CIMIP5: variants seen among roughly 807,000 people sequenced by gnomAD.
CIMIP5 encodes the protein uncharacterized protein C2orf50.
chr2:11,148,998 T>C, the CIMIP5 span, among the ~76,000 whole-genome samples: 10 of 152,150 alleles, frequency 6.6e-5, no homozygotes, highest in East Asian at 9.7e-4. Context: ...CCTCCCAAAG[T>C]GCTGGGATTA....
chr2:11,146,751 A>C, the CIMIP5 span: 1 of 152,222 alleles, frequency 6.6e-6, no homozygotes, highest in Non-Finnish European at 1.5e-5. Context: ...TGAGATCATC[A>C]GCTGGGTAAA....
chr2:11,134,292 G>A, the CIMIP5 span, among the ~76,000 whole-genome samples: 4 of 152,204 alleles, frequency 2.6e-5, no homozygotes, highest in African/African-American at 9.6e-5. Flanking sequence ...CAGGATGAGG[G>A]GGAGCAGCGG....
chr2:11,139,210 A>G, the CIMIP5 span, among the ~76,000 whole-genome samples: 4 of 151,870 alleles, frequency 2.6e-5, no homozygotes, highest in East Asian at 3.9e-4. Flanking sequence ...GAGCCACCGC[A>G]CCTGTCCTAC....
the CIMIP5 span, among the ~76,000 whole-genome samples, chr2:11,140,300 G>A: frequency 5.3e-5 from 8 of 150,956 alleles, no homozygotes; most frequent in East Asian, 9.7e-4. Flanking sequence ...GCGTGAACCC[G>A]GGAGGCGGAG....
At chr2:11,150,814 A>G in the CIMIP5 span, among the ~76,000 whole-genome samples, 1 of 151,772 alleles carries the variant, frequency 6.6e-6, no homozygotes, top group East Asian at 1.9e-4. Context: ...CAATTTGCCC[A>G]CAAGGAAATT....
chr2:11,148,123 T>TG, the CIMIP5 span, among the ~76,000 whole-genome samples: 1 of 151,692 alleles, frequency 6.6e-6, no homozygotes, highest in African/African-American at 2.4e-5. Flanking sequence ...TTCACATTTT[T>TG]TTTTTTTTTG....
chr2:11,133,973 G>A, the CIMIP5 span, among the ~76,000 whole-genome samples: 2 of 152,060 alleles, frequency 1.3e-5, no homozygotes, highest in Admixed American at 1.3e-4. Context: ...CCCATGAGCC[G>A]CTCTGAAACG....
At chr2:11,147,145 T>C in the CIMIP5 span, among the ~76,000 whole-genome samples, 2 of 152,112 alleles carry the variant, frequency 1.3e-5, no homozygotes, top group Non-Finnish European at 2.9e-5. Context: ...CTTGGCACAT[T>C]ACCCACATTG....
the CIMIP5 span, among the ~76,000 whole-genome samples, chr2:11,151,711 G>A: frequency 6.6e-6 from 1 of 152,232 alleles, no homozygotes; most frequent in African/African-American, 2.4e-5. Context: ...TCTCGGCCCA[G>A]TGCAACCTGT....
At chr2:11,153,168 C>T in the CIMIP5 span, among the ~76,000 whole-genome samples, 3 of 152,314 alleles carry the variant, frequency 2.0e-5, no homozygotes, top group East Asian at 1.9e-4. Flanking sequence ...CTGGTCTTCA[C>T]GCAAAGTAGC....
At chr2:11,153,415 G>C in the CIMIP5 span, among the ~76,000 whole-genome samples, 1 of 152,212 alleles carries the variant, frequency 6.6e-6, no homozygotes, top group East Asian at 1.9e-4. Context: ...TCCCTCCTAA[G>C]GCTAGTCCTG....
the CIMIP5 span, among the ~76,000 whole-genome samples, chr2:11,150,010 A>G: frequency 6.6e-6 from 1 of 152,144 alleles, no homozygotes; most frequent in Non-Finnish European, 1.5e-5. Flanking sequence ...CAATGGCACA[A>G]TCTTGGCTCA....
At chr2:11,149,946 T>TTTTG in the CIMIP5 span, among the ~76,000 whole-genome samples, 1 of 152,178 alleles carries the variant, frequency 6.6e-6, no homozygotes, top group South Asian at 2.1e-4. Flanking sequence ...TCCTTGTTCT[T>TTTTG]TTTGTTTGTT....
the CIMIP5 span, among the ~76,000 whole-genome samples, chr2:11,149,098 C>G: frequency 6.6e-6 from 1 of 152,082 alleles, no homozygotes; most frequent in Non-Finnish European, 1.5e-5. Context: ...CATTTAATGA[C>G]TCAGCAATAA....
the CIMIP5 span, chr2:11,140,552 A>G: frequency 6.4e-7 from 1 of 1,565,726 alleles, no homozygotes; most frequent in East Asian, 2.3e-5. Context: ...ACCCAATGGT[A>G]AGGTAAAATA....
the CIMIP5 span, among the ~76,000 whole-genome samples, chr2:11,148,879 A>G: frequency 0.17 from 26,163 of 151,386 alleles, 6,645 homozygotes; most frequent in African/African-American, 0.56. Context: ...GATTACAGGC[A>G]CCCGCCACCA....
the CIMIP5 span, among the ~76,000 whole-genome samples, chr2:11,153,404 T>C: frequency 1.3e-5 from 2 of 152,148 alleles, no homozygotes; most frequent in Non-Finnish European, 2.9e-5. Flanking sequence ...GTGGGAGCAG[T>C]TCCCTCCTAA....
the CIMIP5 span, among the ~76,000 whole-genome samples, chr2:11,141,876 A>G: frequency 6.6e-6 from 1 of 152,056 alleles, no homozygotes; most frequent in Non-Finnish European, 1.5e-5. Flanking sequence ...CCCTATCACA[A>G]CCCTAGCATT....
At chr2:11,135,270 C>A in the CIMIP5 span, among the ~76,000 whole-genome samples, 5 of 152,132 alleles carry the variant, frequency 3.3e-5, no homozygotes, top group South Asian at 4.1e-4. Flanking sequence ...TTTTGAGGAA[C>A]CTCCATTGTC....
Sources: gnomAD v4.1 joint callset for allele counts (sites outside exome capture counted in the v4.1 genomes callset) on GRCh38, gnomAD v4.1.1 for gene constraint, MANE v1.5 for transcripts, NCBI Gene and HGNC (gene_info 2026-07-23, HGNC 2026-07-21) for gene names.